CDH5: variants seen among roughly 807,000 people sequenced by gnomAD.
The protein encoded by CDH5 is cadherin 5.
In CDH5, 28 loss-of-function variants were observed where a neutral mutation model predicts 62.0. That is an observed-to-expected ratio of 0.45 (90% confidence interval 0.33 to 0.62). The LOEUF (loss-of-function observed/expected upper bound fraction) is 0.62, where lower values mean the gene tolerates loss of function less well. Among genes scored for constraint, CDH5 ranks in the 20% least tolerant of loss-of-function variants. CDH5 has a pLI of 0.02. For synonymous variants in CDH5, 464 were observed against 445.8 expected (o/e 1.04, Z -0.52); for missense variants, 940 against 1,065.1 (o/e 0.88, Z 1.63).
chr16:66,376,042 C>T (rs1433800488), intron 1 of CDH5, among the ~76,000 whole-genome samples: 1 of 151,928 alleles, frequency 6.6e-6, no homozygotes, highest in African/African-American at 2.4e-5. Context: ...ACCTGGGAGG[C>T]GGAGGTTGCA....
At position 66,379,494 on chromosome 16, in the gene CDH5, C is replaced by G; in HGVS notation, c.157C>G (p.Gln53Glu). Reference protein sequence around the residue: ...RRQKRDWIWNQMHIDEEKNTS... With the variant: ...RRQKRDWIWNEMHIDEEKNTS... ...CCAAAAGAGAGATTGGATTTGGAAC[C>G]AGATGCACATTGATGAAGAGAAAAA... The change falls in exon 2 of 12, where the codon CAG (glutamine) becomes GAG (glutamate). Residue 53 changes from glutamine to glutamate, a missense_variant. Gln to Glu is a conservative substitution (Grantham distance 29). Transcript: ENST00000341529. 6.2e-7 allele frequency: 1 copy of G among 1,614,234 alleles called. No individual in the cohort carries two copies. The highest frequency in any genetic ancestry group is 1.1e-5 in the South Asian group (1 of 91,078).
At chr16:66,374,002 G>A (rs1960740182) in intron 1 of CDH5, among the ~76,000 whole-genome samples, 3 of 151,942 alleles carry the variant, frequency 2.0e-5, no homozygotes, top group Admixed American at 6.6e-5. Context: ...GTGGCATGAC[G>A]CAAAAAGCAC....
At chr16:66,368,970 T>TC (rs1163582917) in intron 1 of CDH5, among the ~76,000 whole-genome samples, 3 of 152,174 alleles carry the variant, frequency 2.0e-5, no homozygotes, top group African/African-American at 7.2e-5. Context: ...AGGTTCAAGC[T>TC]GGTGTTAAGT....
chr16:66,383,637 T>G (rs1044168000), intron 2 of CDH5, among the ~76,000 whole-genome samples: 3 of 152,026 alleles, frequency 2.0e-5, no homozygotes, highest in Non-Finnish European at 4.4e-5. Context: ...TGTCCCCTTC[T>G]CTTTGAGTCT....
chr16:66,379,941 C>T lies in CDH5; in HGVS notation c.210+394C>T, dbSNP rs376700037. Among the ~76,000 whole-genome samples, 165 of 58,388 alleles carry T rather than the reference C, an allele frequency of 2.8e-3. 5 individuals are homozygous for T. Among genetic ancestry groups the T allele is most frequent in the African/African-American group, 6.4e-3 (99 of 15,542 alleles). 38.3% of individuals were successfully genotyped at this position (58,388 alleles called of 152,430 possible). A position where few individuals can be genotyped will look rare whatever the true frequency, so the allele number is the denominator to read the frequency against. ...AAGGGGTAGGTGTTGGTGGTGATCA[C>T]GGTGATGGTGGTGATGATAAAGGGG... is the stretch of plus-strand genomic sequence containing the variant. On this transcript the variant is annotated intron_variant, in intron 2 of 11. Coordinates refer to ENST00000341529, the MANE Select transcript of CDH5 (RefSeq NM_001795.5).
chr16:66,375,586 C>A (rs1006673041), intron 1 of CDH5, among the ~76,000 whole-genome samples: 1 of 151,916 alleles, frequency 6.6e-6, no homozygotes, highest in Non-Finnish European at 1.5e-5. Context: ...TGGTACACCT[C>A]TCTATGGTAC....
At position 66,386,996 on chromosome 16, in the gene CDH5, C is replaced by A. The variant is rs778345638; in HGVS notation, c.398C>A (p.Thr133Asn). The change falls in exon 3 of 12, where the codon ACT becomes AAT. Residue 133 changes from threonine to asparagine, a missense_variant. Thr to Asn is a moderately conservative substitution (Grantham distance 65, BLOSUM62 0). Coordinates refer to ENST00000341529, the MANE Select transcript of CDH5 (RefSeq NM_001795.5). ...AAGGACACTGGCGAAAACCTGGAGA[C>A]TCCTTCCAGCTTCACCATCAAAGTT... The part of the protein sequence containing the change: ...VDKDTGENLE[T>N]PSSFTIKVHD... 1.9e-6 allele frequency: 3 copies of A among 1,614,128 alleles called. No individual in the cohort carries two copies. The Admixed American group carries it at 5.0e-5, about 27-fold the overall frequency.
chr16:66,392,540 A>C, intron 7 of CDH5, 157 bp downstream of exon 7: 1 of 1,020,406 alleles, frequency 9.8e-7, no homozygotes, highest in Non-Finnish European at 1.4e-6. Context: ...AAGCTCTTGC[A>C]CTTGGCAGCC....
At chr16:66,378,848 A>G (rs1960830767) in intron 1 of CDH5, among the ~76,000 whole-genome samples, 1 of 152,244 alleles carries the variant, frequency 6.6e-6, no homozygotes, top group Non-Finnish European at 1.5e-5. Flanking sequence ...GTCAGCAGAC[A>G]GTGAAGGATG....
At chr16:66,402,529 AAG>A in intron 11 of CDH5, 121 bp from the exon 12 acceptor site, 2 of 734,484 alleles carry the variant, frequency 2.7e-6, no homozygotes, top group Non-Finnish European at 3.9e-6. Context: ...GGGGGGGCCA[AAG>A]GGATGGGCAT....
chr16:66,382,487 T>G (rs1448840073), intron 2 of CDH5, among the ~76,000 whole-genome samples: 1 of 152,110 alleles, frequency 6.6e-6, no homozygotes, highest in Non-Finnish European at 1.5e-5. Context: ...ATGTCGTCAA[T>G]CCACCTGCAT....
At position 66,403,392 on chromosome 16, in the gene CDH5, A is replaced by T; in HGVS notation, c.*223A>T. Reference sequence around the variant, plus strand: ...ACTATTCTCAAATGCTGGCAAATCCAGGCTGGTGTTCTGTCTGGGCTCAGA... The same window carrying T: ...ACTATTCTCAAATGCTGGCAAATCCTGGCTGGTGTTCTGTCTGGGCTCAGA... On this transcript the variant is annotated 3_prime_UTR_variant, in exon 12 of 12. Transcript: ENST00000341529. This position sits in a 1 kb window ranked among gnomAD's most constrained non-coding sequence, Gnocchi z 4.3. 1 of 572,320 alleles carries T rather than the reference A, an allele frequency of 1.7e-6. No individual in the cohort carries two copies. The highest frequency in any genetic ancestry group is 1.9e-5 in the African/African-American group (1 of 53,448). The allele number at this position is 572,320 out of a possible 1,614,324, so 35.5% of individuals were successfully genotyped here.
intron 8 of CDH5, among the ~76,000 whole-genome samples, chr16:66,396,912 A>C (rs1302584602): frequency 6.6e-6 from 1 of 152,120 alleles, no homozygotes; most frequent in African/African-American, 2.4e-5. Flanking sequence ...TGCTGCCCCA[A>C]ACTGTAATGG....
intron 10 of CDH5, among the ~76,000 whole-genome samples, chr16:66,399,980 G>A (rs1228695438): frequency 6.6e-6 from 1 of 152,166 alleles, no homozygotes; most frequent in Non-Finnish European, 1.5e-5. Context: ...AGTAAATCCT[G>A]GAGTAGGGAG....
chr16:66,402,981 C>T lies in CDH5; in HGVS notation c.2167C>T (p.Pro723Ser), dbSNP rs148726486. The T allele has an allele frequency of 2.5e-6, 4 of 1,613,304 alleles. No homozygotes were observed. Among genetic ancestry groups the T allele is most frequent in the African/African-American group, 2.7e-5 (2 of 75,002 alleles). ...CGAGGCGGACCACGACGGCGACGGC[C>T]CCCCCTACGACACGCTGCACATCTA... ...KDEADHDGDG[P>S]PYDTLHIYGY... The change falls in exon 12 of 12, where the codon CCC becomes TCC. Residue 723 changes from proline to serine, a missense_variant. Physicochemically the swap from Pro to Ser is moderately conservative, Grantham distance 74. Transcript: ENST00000341529.
At chr16:66,398,882 T>C (rs1257310892) in intron 10 of CDH5, among the ~76,000 whole-genome samples, 1 of 152,210 alleles carries the variant, frequency 6.6e-6, no homozygotes, top group Non-Finnish European at 1.5e-5. Flanking sequence ...GTACAATTTC[T>C]GCCACATACA....
chr16:66,403,123 T>C lies in CDH5; in HGVS notation c.2309T>C (p.Leu770Pro), dbSNP rs749655905. Residue 770 changes from leucine to proline, a missense_variant, in exon 12 of 12, where the codon CTG becomes CCG. Leu to Pro is a moderately conservative substitution (Grantham distance 98, BLOSUM62 -3). Coordinates refer to ENST00000341529, the MANE Select transcript of CDH5 (RefSeq NM_001795.5). This position sits in a 1 kb window ranked among gnomAD's most constrained non-coding sequence, Gnocchi z 4.3. The part of the protein sequence containing the change: ...LNDWGPRFKM[L>P]AELYGSDPRE... ...GACTGGGGACCCAGGTTTAAGATGC[T>C]GGCTGAGCTGTACGGCTCGGACCCC... 1 of 1,613,586 alleles carries C rather than the reference T, an allele frequency of 6.2e-7. No individual in the cohort carries two copies. Among genetic ancestry groups the C allele is most frequent in the South Asian group, 1.1e-5 (1 of 91,010 alleles).
chr16:66,390,540 A>G lies in CDH5; in HGVS notation c.919A>G (p.Thr307Ala). 2 of 1,614,062 alleles carry G rather than the reference A, an allele frequency of 1.2e-6. No homozygotes were observed. The highest frequency in any genetic ancestry group is 1.7e-6 in the Non-Finnish European group (2 of 1,180,018). The stretch of plus-strand genomic sequence containing the variant: ...GCGGGGCGACTACCAGGACGCTTTC[A>G]CCATTGAGACAAACCCCGCCCACAA... Reference protein sequence around the residue: ...ILRGDYQDAFTIETNPAHNEG... With the variant: ...ILRGDYQDAFAIETNPAHNEG... Residue 307 changes from threonine (T) to alanine (A), a missense_variant, in exon 6 of 12, where the codon ACC becomes GCC. Thr to Ala is a moderately conservative substitution (Grantham distance 58, BLOSUM62 0). Coordinates refer to ENST00000341529, the MANE Select transcript of CDH5 (RefSeq NM_001795.5).
chr16:66,374,625 C>T (rs1027234664), intron 1 of CDH5, among the ~76,000 whole-genome samples: 4 of 151,498 alleles, frequency 2.6e-5, no homozygotes, highest in Non-Finnish European at 4.4e-5. Context: ...CCAGGAGCCA[C>T]GTGGTCCGAG....
Sources: allele counts gnomAD v4.1 joint callset (sites outside exome capture counted in the v4.1 genomes callset), GRCh38; gene constraint gnomAD v4.1.1; non-coding constraint Gnocchi (gnomAD v3.1); transcripts MANE v1.5; gene names NCBI Gene and HGNC (gene_info 2026-07-23, HGNC 2026-07-21).